Variants in SYNPR observed in about 807,000 individuals in gnomAD.
SYNPR encodes synaptoporin.
In SYNPR, 23 loss-of-function variants were observed where a neutral mutation model predicts 32.9. The ratio of observed to expected loss-of-function variants is 0.70; its 90% CI spans 0.50 to 0.99. SYNPR has a LOEUF of 0.99. Among genes scored for constraint, SYNPR ranks in the 50% least tolerant of loss-of-function variants. The pLI, the probability that SYNPR is intolerant of heterozygous loss-of-function variation, is 0.00. For synonymous variants in SYNPR, 146 were observed against 135.9 expected, an observed-to-expected ratio of 1.07 and a Z score of -0.52; for missense variants, 318 against 349.3, an observed-to-expected ratio of 0.91 and a Z score of 0.71.
chr3:63,565,297 A>T (rs1186114665), intron 4 of SYNPR, among the ~76,000 whole-genome samples: 2 of 151,992 alleles, frequency 1.3e-5, no homozygotes, highest in African/African-American at 4.8e-5. Context: ...AATACCTGAG[A>T]CTGGGTAATT....
At chr3:63,316,761 T>C (rs181989000) in intron 2 of SYNPR, among the ~76,000 whole-genome samples, 8 of 152,110 alleles carry the variant, frequency 5.3e-5, no homozygotes, top group African/African-American at 1.9e-4. Context: ...GTAATTTCCT[T>C]TATTCTGCTG....
upstream of SYNPR, among the ~76,000 whole-genome samples, chr3:63,226,143 TG>T (rs2086126550): frequency 6.6e-6 from 1 of 152,230 alleles, no homozygotes; most frequent in South Asian, 2.1e-4. Context: ...CACGATGAAA[TG>T]GGGTTAGTCA....
chr3:63,252,397 T>A (rs776399502), intron 1 of SYNPR: 2 of 152,336 alleles, frequency 1.3e-5, no homozygotes, highest in Non-Finnish European at 2.9e-5. Flanking sequence ...AAGCATTTAT[T>A]TCTATAATTT....
intron 2 of SYNPR, among the ~76,000 whole-genome samples, chr3:63,292,719 T>C (rs960287420): frequency 1.5e-4 from 23 of 152,260 alleles, no homozygotes; most frequent in Non-Finnish European, 4.4e-5. Flanking sequence ...TGCAAAACTT[T>C]GCAAAGAAAG....
the SYNPR span, among the ~76,000 whole-genome samples, chr3:63,209,481 T>G: frequency 1.3e-5 from 2 of 151,968 alleles, no homozygotes; most frequent in Admixed American, 6.6e-5. Flanking sequence ...TCTGGGGGGG[T>G]TAATTTAAAC....
At chr3:63,223,203 C>T in the SYNPR span, among the ~76,000 whole-genome samples, 1 of 151,916 alleles carries the variant, frequency 6.6e-6, no homozygotes, top group African/African-American at 2.4e-5. Context: ...TTTAAATACC[C>T]AGTGATTACA....
intron 2 of SYNPR, among the ~76,000 whole-genome samples, chr3:63,252,851 G>A (rs1187572845): frequency 6.6e-6 from 1 of 151,968 alleles, no homozygotes; most frequent in African/African-American, 2.4e-5. Context: ...GACCAGCCTG[G>A]CCAACATGGT....
intron 1 of SYNPR, among the ~76,000 whole-genome samples, chr3:63,233,514 A>G (rs1206361487): frequency 6.6e-6 from 1 of 152,224 alleles, no homozygotes; most frequent in Non-Finnish European, 1.5e-5. Flanking sequence ...TACCACTGCC[A>G]TTACTAAATT....
At chr3:63,392,089 A>G (rs1197655366) in intron 2 of SYNPR, among the ~76,000 whole-genome samples, 1 of 152,224 alleles carries the variant, frequency 6.6e-6, no homozygotes, top group Non-Finnish European at 1.5e-5. Flanking sequence ...ACTAAAATAC[A>G]TTATCAATAA....
At chr3:63,409,036 G>T (rs555485849) in intron 2 of SYNPR, among the ~76,000 whole-genome samples, 1 of 152,040 alleles carries the variant, frequency 6.6e-6, no homozygotes, top group Non-Finnish European at 1.5e-5. Context: ...TCCAAACCAG[G>T]TGAACCTTGT....
intron 3 of SYNPR, among the ~76,000 whole-genome samples, chr3:63,490,058 G>C (rs1350818056): frequency 6.6e-6 from 1 of 152,174 alleles, no homozygotes; most frequent in African/African-American, 2.4e-5. Context: ...GAGAGAAGCT[G>C]TACTATTTTA....
chr3:63,487,941 C>T (rs753091935), intron 3 of SYNPR, among the ~76,000 whole-genome samples: 1 of 152,028 alleles, frequency 6.6e-6, no homozygotes. Flanking sequence ...GAATAAGCAC[C>T]ATTCCCCCGC....
chr3:63,288,530 C>G (rs6783924), intron 2 of SYNPR, among the ~76,000 whole-genome samples: 14 of 152,110 alleles, frequency 9.2e-5, no homozygotes, highest in Non-Finnish European at 1.8e-4. Flanking sequence ...ACCTTTGGCT[C>G]TTCAGCACAT....
intron 2 of SYNPR, among the ~76,000 whole-genome samples, chr3:63,423,049 T>G (rs771852609): frequency 2.0e-5 from 3 of 152,228 alleles, no homozygotes; most frequent in Non-Finnish European, 2.9e-5. Context: ...TTGTTCATTA[T>G]GATAACATCT....
chr3:63,337,537 C>T (rs1252803513), intron 2 of SYNPR, among the ~76,000 whole-genome samples: 1 of 152,142 alleles, frequency 6.6e-6, no homozygotes, highest in African/African-American at 2.4e-5. Context: ...TTAAAAACTA[C>T]GTCCACACAA....
At chr3:63,219,502 G>A in the SYNPR span, among the ~76,000 whole-genome samples, 8 of 152,132 alleles carry the variant, frequency 5.3e-5, no homozygotes, top group Non-Finnish European at 1.0e-4. Context: ...ACAAAATGGA[G>A]TTAGGAGTGC....
intron 1 of SYNPR, among the ~76,000 whole-genome samples, chr3:63,234,452 C>G (rs2086187625): frequency 6.6e-6 from 1 of 152,142 alleles, no homozygotes; most frequent in African/African-American, 2.4e-5. Context: ...AACTACATAG[C>G]AGGCACACCA....
intron 2 of SYNPR, among the ~76,000 whole-genome samples, chr3:63,379,698 A>G (rs1475570953): frequency 1.3e-5 from 2 of 148,456 alleles, no homozygotes; most frequent in Admixed American, 6.7e-5. Flanking sequence ...TCTTTTTTTT[A>G]TTATTATACT....
chr3:63,232,219 T>TTTTTG (rs869164802), intron 1 of SYNPR, among the ~76,000 whole-genome samples: 1 of 113,906 alleles, frequency 8.8e-6, no homozygotes, highest in African/African-American at 3.1e-5. Context: ...TTTTTTTTTT[T>TTTTTG]GAGACAGAGT....
Sources: gnomAD v4.1 joint callset for allele counts (sites outside exome capture counted in the v4.1 genomes callset) on GRCh38, gnomAD v4.1.1 for gene constraint, MANE v1.5 for transcripts, NCBI Gene and HGNC (gene_info 2026-07-23, HGNC 2026-07-21) for gene names.